FGF12: variants seen among roughly 807,000 people sequenced by gnomAD.
FGF12 encodes fibroblast growth factor 12B.
A neutral mutation model predicts 23.6 loss-of-function variants in FGF12; 14 were observed. That is an observed-to-expected ratio of 0.59 (90% confidence interval 0.39 to 0.93). FGF12 has a LOEUF of 0.93. Ranked by LOEUF, FGF12 falls within the 40% of genes least tolerant of loss-of-function variation. The probability of loss-of-function intolerance (pLI) is 0.00; values close to 1 mark genes in which losing one functional copy is unlikely to be tolerated. For synonymous variants in FGF12, 62 were observed against 77.3 expected (o/e 0.80, Z 1.04); for missense variants, 175 against 217.8 (o/e 0.80, Z 1.24).
chr3:192,727,400 T>C, intron 1 of FGF12, 77 bp from the exon 2 acceptor site: 2 of 1,445,428 alleles, frequency 1.4e-6, no homozygotes, highest in African/African-American at 1.4e-5. Context: ...GCAGATTGCC[T>C]CTACAGGGGA....
At chr3:192,209,334 G>A (rs1717814100) in intron 4 of FGF12, among the ~76,000 whole-genome samples, 1 of 152,168 alleles carries the variant, frequency 6.6e-6, no homozygotes, top group Non-Finnish European at 1.5e-5. Flanking sequence ...TATCAATGAG[G>A]ATGGGAAAAC....
intron 2 of FGF12, among the ~76,000 whole-genome samples, chr3:192,461,459 T>C (rs1179738785): frequency 6.6e-6 from 1 of 152,218 alleles, no homozygotes; most frequent in Non-Finnish European, 1.5e-5. Context: ...CTGTGAAGGA[T>C]TAATAGTGAC....
At chr3:192,488,147 A>G (rs1163766929) in intron 2 of FGF12, among the ~76,000 whole-genome samples, 1 of 152,142 alleles carries the variant, frequency 6.6e-6, no homozygotes, top group African/African-American at 2.4e-5. Flanking sequence ...AGCTATTTAT[A>G]TTATGAATCT....
At chr3:192,618,975 T>C (rs1265788475) in intron 2 of FGF12, among the ~76,000 whole-genome samples, 1 of 151,690 alleles carries the variant, frequency 6.6e-6, no homozygotes, top group African/African-American at 2.4e-5. Context: ...CCACTTAAAA[T>C]AAGCCTATAA....
intron 2 of FGF12, among the ~76,000 whole-genome samples, chr3:192,548,940 C>T (rs1428039765): frequency 6.6e-6 from 1 of 152,140 alleles, no homozygotes; most frequent in Non-Finnish European, 1.5e-5. Context: ...TGAAAAAATA[C>T]TTCACTTGTG....
intron 4 of FGF12, among the ~76,000 whole-genome samples, chr3:192,215,328 A>T (rs1345354454): frequency 6.6e-6 from 1 of 152,190 alleles, no homozygotes; most frequent in Non-Finnish European, 1.5e-5. Flanking sequence ...GAGGAGAAAT[A>T]CTTGGTACTC....
chr3:192,301,905 C>T (rs1396772703), intron 4 of FGF12, among the ~76,000 whole-genome samples: 1 of 152,030 alleles, frequency 6.6e-6, no homozygotes, highest in East Asian at 1.9e-4. Context: ...GACTGGAGCC[C>T]GAGCAACCAC....
Position 192,580,694 on chromosome 3 carries a change from G to A in FGF12, c.13+146487C>T, listed in dbSNP as rs1271166389. Among the ~76,000 whole-genome samples the A allele has an allele frequency of 3.9e-5, 6 of 152,164 alleles. No individual in the cohort carries two copies. The East Asian group carries it at 9.7e-4, about 25-fold the overall frequency. On this transcript the variant is annotated intron_variant, in intron 2 of 5. Coordinates refer to ENST00000445105, the MANE Select transcript of FGF12 (RefSeq NM_004113.6). ...CCGATCTCAGCTCTCTGTAACCTCCGCCTCCCAGGTTCAAGCGATTCTCCT... is the reference window on the plus strand; with the variant it reads ...CCGATCTCAGCTCTCTGTAACCTCCACCTCCCAGGTTCAAGCGATTCTCCT...
chr3:192,182,975 T>C (rs1457356996), intron 4 of FGF12, among the ~76,000 whole-genome samples: 1 of 152,212 alleles, frequency 6.6e-6, no homozygotes, highest in Non-Finnish European at 1.5e-5. Flanking sequence ...TGTTTGCTCA[T>C]TGGGTTTAAA....
intron 2 of FGF12, among the ~76,000 whole-genome samples, chr3:192,696,480 A>T (rs1372899720): frequency 6.6e-6 from 1 of 152,150 alleles, no homozygotes; most frequent in Non-Finnish European, 1.5e-5. Flanking sequence ...GGTTCAGAGA[A>T]AAAGGGTTGT....
intron 2 of FGF12, among the ~76,000 whole-genome samples, chr3:192,557,865 A>C (rs958568002): frequency 2.6e-5 from 4 of 151,934 alleles, no homozygotes; most frequent in Non-Finnish European, 5.9e-5. Flanking sequence ...GACAAAATTC[A>C]ACACTTTTTC....
At position 192,217,286 on chromosome 3, in the gene FGF12, C is replaced by T. The variant is rs909712739; in HGVS notation, c.229-46630G>A. On this transcript the variant is annotated intron_variant, in intron 4 of 5. Coordinates refer to ENST00000445105, the MANE Select transcript of FGF12 (RefSeq NM_004113.6). ...CCCAACACCTTAAGCGCTATATGAG[C>T]GTCTGCTGTTGTTTTTGTTGTTGTT... 4.6e-5 allele frequency among the ~76,000 whole-genome samples: 7 copies of T among 152,208 alleles called. No individual in the cohort carries two copies. In the South Asian group the frequency reaches 1.2e-3, roughly 27 times the overall value.
At chr3:192,211,353 T>C (rs186452252) in intron 4 of FGF12, among the ~76,000 whole-genome samples, 2 of 152,302 alleles carry the variant, frequency 1.3e-5, no homozygotes, top group East Asian at 1.9e-4. Flanking sequence ...TGGAGCATAG[T>C]AGAAGAGAAG....
chr3:192,348,498 C>T (rs1393438717), intron 3 of FGF12, among the ~76,000 whole-genome samples: 4 of 151,984 alleles, frequency 2.6e-5, no homozygotes, highest in African/African-American at 9.7e-5. Flanking sequence ...ATTTTAAATA[C>T]GTCAAACACA....
chr3:192,454,770 C>T (rs1338872646), intron 2 of FGF12, among the ~76,000 whole-genome samples: 4 of 152,116 alleles, frequency 2.6e-5, no homozygotes, highest in African/African-American at 9.7e-5. Context: ...TTGTTAATTA[C>T]TACAGATCTG....
At chr3:192,600,847 T>G (rs1342029190) in intron 2 of FGF12, among the ~76,000 whole-genome samples, 1 of 152,036 alleles carries the variant, frequency 6.6e-6, no homozygotes. Context: ...ATGCTGTTGA[T>G]GAAAATGTAA....
rs34864946 is a variant in FGF12 at position 192,727,462 on chromosome 3, ATTTTT to A, written c.-131+17_-131+21del. Reference sequence around the variant, plus strand: ...AAATGCATGCACAGTGCCCGCTCAGATTTTTTTTTTTTTTTTTTTACCTGGGTCTG... The same window carrying A: ...AAATGCATGCACAGTGCCCGCTCAGATTTTTTTTTTTTTTACCTGGGTCTG... On this transcript the variant is annotated intron_variant, in intron 1 of 5. Transcript: ENST00000445105. 3.8e-4 allele frequency: 212 copies of A among 561,660 alleles called. No homozygotes were observed. The highest frequency in any genetic ancestry group is 1.6e-3 in the South Asian group (69 of 42,516). The allele number at this position is 561,660 out of a possible 1,614,324, so 34.8% of individuals were successfully genotyped here.
At chr3:192,356,827 A>C (rs923995653) in intron 3 of FGF12, among the ~76,000 whole-genome samples, 2 of 152,204 alleles carry the variant, frequency 1.3e-5, no homozygotes, top group African/African-American at 4.8e-5. Context: ...CATTTTAACA[A>C]CTTAGAGGTT....
At chr3:192,722,231 G>A (rs1425158611) in intron 2 of FGF12, among the ~76,000 whole-genome samples, 2 of 152,200 alleles carry the variant, frequency 1.3e-5, no homozygotes, top group Non-Finnish European at 2.9e-5. Flanking sequence ...CCTACACTCA[G>A]TGACTATACA....
Sources: allele counts gnomAD v4.1 joint callset (sites outside exome capture counted in the v4.1 genomes callset), GRCh38; gene constraint gnomAD v4.1.1; transcripts MANE v1.5; gene names NCBI Gene and HGNC (gene_info 2026-07-23, HGNC 2026-07-21).